Variants in CSMD1 observed in about 807,000 individuals in gnomAD.
CSMD1 encodes the protein CUB and Sushi multiple domains 1, also known as CUB and sushi domain-containing protein 1.
Under a neutral mutation model 417.5 loss-of-function variants are expected in CSMD1, and 213 were observed. The ratio of observed to expected loss-of-function variants is 0.51; its 90% CI spans 0.46 to 0.57. The LOEUF is 0.57. Ranked by LOEUF, CSMD1 falls within the 20% of genes least tolerant of loss-of-function variation. CSMD1 has a pLI of 0.00. For missense variants in CSMD1, 6,923 were observed against 4,529.7 expected (o/e 1.53, Z -15.17); for synonymous variants, 2,862 against 1,736.8 (o/e 1.65, Z -16.11).
intron 1 of CSMD1, among the ~76,000 whole-genome samples, chr8:4,677,369 A>AC (rs1805763348): frequency 6.6e-6 from 1 of 152,066 alleles, no homozygotes; most frequent in Non-Finnish European, 1.5e-5. Context: ...ATCTTGGATA[A>AC]TGGGACAGAG....
intron 5 of CSMD1, among the ~76,000 whole-genome samples, chr8:3,821,955 C>G (rs966895416): frequency 6.6e-6 from 1 of 152,102 alleles, no homozygotes; most frequent in African/African-American, 2.4e-5. Context: ...CATTTCCAGG[C>G]CCTTCTCTCA....
intron 7 of CSMD1, among the ~76,000 whole-genome samples, chr8:3,633,323 G>T (rs1180654238): frequency 6.6e-6 from 1 of 152,130 alleles, no homozygotes; most frequent in African/African-American, 2.4e-5. Context: ...TCATACATAA[G>T]ACTCAGAGGT....
At chr8:4,763,679 C>G (rs991222364) in intron 1 of CSMD1, among the ~76,000 whole-genome samples, 3 of 152,130 alleles carry the variant, frequency 2.0e-5, no homozygotes, top group African/African-American at 7.2e-5. Flanking sequence ...GATTGAGTTT[C>G]AAGCAAGTTT....
rs116503977 is a variant in CSMD1 at position 4,910,505 on chromosome 8, G to A, written c.85+83827C>T. Among the ~76,000 whole-genome samples, 689 of 152,240 alleles carry A rather than the reference G, an allele frequency of 4.5e-3. 3 individuals are homozygous for A. Among genetic ancestry groups the A allele is most frequent in the African/African-American group, 0.015 (638 of 41,544 alleles). Reference sequence around the variant, plus strand: ...CCTGGTTTCTAGAAGGCACCTTCCCGCTGTGTTTTCCCATGGTAAAAACGA... The same window carrying A: ...CCTGGTTTCTAGAAGGCACCTTCCCACTGTGTTTTCCCATGGTAAAAACGA... On this transcript the variant is annotated intron_variant, in intron 1 of 69. Coordinates refer to ENST00000635120, the MANE Select transcript of CSMD1 (RefSeq NM_033225.6).
intron 26 of CSMD1, among the ~76,000 whole-genome samples, chr8:3,233,071 G>A (rs1798935504): frequency 6.8e-6 from 1 of 147,948 alleles, no homozygotes; most frequent in African/African-American, 2.5e-5. Flanking sequence ...CAATTTGTTT[G>A]CTTATTATGT....
intron 5 of CSMD1, among the ~76,000 whole-genome samples, chr8:3,846,105 T>G (rs1803483328): frequency 6.6e-6 from 1 of 152,096 alleles, no homozygotes; most frequent in Admixed American, 6.5e-5. Context: ...TAATAAAAAG[T>G]ATAGTAATTA....
intron 10 of CSMD1, among the ~76,000 whole-genome samples, chr8:3,524,420 A>G (rs989048049): frequency 6.9e-6 from 1 of 144,190 alleles, no homozygotes; most frequent in African/African-American, 2.6e-5. Context: ...TGCACACACA[A>G]CCAGACACAT....
intron 3 of CSMD1, among the ~76,000 whole-genome samples, chr8:4,053,169 A>T (rs1386737231): frequency 6.6e-6 from 1 of 152,230 alleles, no homozygotes; most frequent in Non-Finnish European, 1.5e-5. Context: ...TCTGAACTAC[A>T]GGTGCAAATT....
At chr8:3,499,584 T>C (rs1025292933) in intron 10 of CSMD1, among the ~76,000 whole-genome samples, 2 of 152,096 alleles carry the variant, frequency 1.3e-5, no homozygotes, top group South Asian at 2.1e-4. Flanking sequence ...AGGGTGCTTG[T>C]TGGTAGTGTG....
At chr8:3,708,240 G>A (rs558582138) in intron 7 of CSMD1, among the ~76,000 whole-genome samples, 174 bp downstream of exon 7, 8 of 152,130 alleles carry the variant, frequency 5.3e-5, no homozygotes, top group South Asian at 2.1e-4. Flanking sequence ...ACATTCCTCC[G>A]TAACAAAGTG....
At chr8:3,821,322 T>C (rs1214757351) in intron 5 of CSMD1, among the ~76,000 whole-genome samples, 4 of 152,216 alleles carry the variant, frequency 2.6e-5, no homozygotes, top group African/African-American at 9.7e-5. Flanking sequence ...TCTCAAGTAT[T>C]ATGCACTGTA....
intron 3 of CSMD1, among the ~76,000 whole-genome samples, chr8:4,299,042 GAAAT>G (rs1401632234): frequency 6.6e-6 from 1 of 152,020 alleles, no homozygotes; most frequent in Non-Finnish European, 1.5e-5. Flanking sequence ...AGAACTGTAG[GAAAT>G]AAATATTCTC....
chr8:3,339,398 G>C (rs905386449), intron 23 of CSMD1, among the ~76,000 whole-genome samples: 1 of 152,058 alleles, frequency 6.6e-6, no homozygotes, highest in Non-Finnish European at 1.5e-5. Context: ...GGGTAGGGGG[G>C]TTGCCTTAGG....
intron 17 of CSMD1, among the ~76,000 whole-genome samples, chr8:3,390,813 T>A (rs1296219854): frequency 6.6e-6 from 1 of 152,176 alleles, no homozygotes; most frequent in Non-Finnish European, 1.5e-5. Flanking sequence ...ACAGTCTTTA[T>A]AAAACTCCTA....
chr8:3,876,666 G>T (rs34709267), intron 5 of CSMD1, among the ~76,000 whole-genome samples: 1 of 152,002 alleles, frequency 6.6e-6, no homozygotes, highest in Non-Finnish European at 1.5e-5. Flanking sequence ...GTGAAGTGCA[G>T]TGGTGCTATC....
intron 41 of CSMD1, among the ~76,000 whole-genome samples, chr8:3,140,047 C>T (rs892842494): frequency 7.9e-5 from 12 of 151,802 alleles, no homozygotes; most frequent in African/African-American, 1.9e-4. Context: ...GGATTACAGG[C>T]GCCTGCCATC....
intron 2 of CSMD1, among the ~76,000 whole-genome samples, chr8:4,503,117 T>G (rs1245038083): frequency 6.6e-6 from 1 of 152,168 alleles, no homozygotes; most frequent in African/African-American, 2.4e-5. Flanking sequence ...CTTAGAGAAC[T>G]ATGTGTAATG....
chr8:3,462,049 A>C (rs1490894289), intron 12 of CSMD1, among the ~76,000 whole-genome samples: 2 of 152,178 alleles, frequency 1.3e-5, no homozygotes, highest in Non-Finnish European at 2.9e-5. Context: ...CAGATGGAGA[A>C]TACTGACCAG....
intron 3 of CSMD1, among the ~76,000 whole-genome samples, chr8:4,035,724 G>A (rs1040903606): frequency 6.6e-6 from 1 of 152,214 alleles, no homozygotes; most frequent in East Asian, 1.9e-4. Flanking sequence ...TATTACGGAA[G>A]AGTCAAATGC....
Sources: gnomAD v4.1 joint callset for allele counts (sites outside exome capture counted in the v4.1 genomes callset) on GRCh38, gnomAD v4.1.1 for gene constraint, MANE v1.5 for transcripts, NCBI Gene and HGNC (gene_info 2026-07-23, HGNC 2026-07-21) for gene names.